EXD3: variants seen among roughly 807,000 people sequenced by gnomAD.
EXD3 encodes the protein exonuclease mut-7 homolog.
EXD3 carries 92 observed loss-of-function variants against 98.0 expected under a neutral mutation model. The observed-to-expected ratio is 0.94, with a 90% CI of 0.79 to 1.12. EXD3 has a LOEUF of 1.12. Among genes scored for constraint, EXD3 ranks in the 50% most tolerant of loss-of-function variants. EXD3 has a pLI of 0.00. For synonymous variants in EXD3, 569 were observed against 526.0 expected, an observed-to-expected ratio of 1.08 and a Z score of -1.12; for missense variants, 1,222 against 1,191.6, an observed-to-expected ratio of 1.03 and a Z score of -0.38.
intron 19 of EXD3, 123 bp from the exon 20 acceptor site, chr9:137,309,823 G>A (rs1446111059): frequency 1.4e-6 from 1 of 712,580 alleles, no homozygotes; most frequent in African/African-American, 1.7e-5. Context: ...ACAGATAATG[G>A]GTCCCCTCCT....
At chr9:137,348,807 CG>C (rs1351717654) in intron 16 of EXD3, among the ~76,000 whole-genome samples, 6 of 58,108 alleles carry the variant, frequency 1.0e-4, no homozygotes, top group African/African-American at 3.0e-4. Flanking sequence ...GTGGGGATCA[CG>C]GGGAGGGGGC....
intron 3 of EXD3, among the ~76,000 whole-genome samples, chr9:137,378,189 G>T (rs929078246): frequency 1.3e-5 from 2 of 151,638 alleles, no homozygotes; most frequent in South Asian, 2.1e-4. Flanking sequence ...GTTTCCCAAA[G>T]ATTTATTTGT....
intron 1 of EXD3, among the ~76,000 whole-genome samples, chr9:137,422,499 A>C (rs2131857938): frequency 6.6e-6 from 1 of 152,228 alleles, no homozygotes; most frequent in East Asian, 1.9e-4. Flanking sequence ...AACGTTCGAA[A>C]CCACCTGCTC....
chr9:137,321,332 T>C (rs1156257858), intron 19 of EXD3, among the ~76,000 whole-genome samples: 7 of 152,180 alleles, frequency 4.6e-5, no homozygotes, highest in African/African-American at 1.7e-4. Flanking sequence ...GCAGGGACCC[T>C]GACAGTGGCC....
chr9:137,358,392 C>T (rs78969423), intron 7 of EXD3, among the ~76,000 whole-genome samples: 3,204 of 152,236 alleles, frequency 0.021, 63 homozygotes, highest in Middle Eastern at 0.078. Flanking sequence ...AACACCGTGC[C>T]GCTCACAAAG....
At position 137,321,914 on chromosome 9, in the gene EXD3, C is replaced by A. The variant is rs143072311; in HGVS notation, c.2184+1811G>T. On this transcript the variant is annotated intron_variant, in intron 19 of 21. Coordinates refer to ENST00000340951, the MANE Select transcript of EXD3 (RefSeq NM_017820.5). ...CGCAAAAGGCAGCATCAACTCCCCC[C>A]AGACTGGCCATGCCCAGGTGCCAGT... is the stretch of plus-strand genomic sequence containing the variant. 3.3e-5 allele frequency among the ~76,000 whole-genome samples: 5 copies of A among 152,310 alleles called. No homozygotes were observed. In the East Asian group the frequency reaches 9.6e-4, roughly 29 times the overall value.
intron 19 of EXD3, among the ~76,000 whole-genome samples, chr9:137,310,975 G>A (rs1367522587): frequency 1.3e-5 from 2 of 152,216 alleles, no homozygotes; most frequent in East Asian, 1.9e-4. Context: ...AGGTGGCCTC[G>A]AGGCCCCTGG....
At chr9:137,350,044 C>T (rs1362075059) in intron 14 of EXD3, among the ~76,000 whole-genome samples, 6 of 58,404 alleles carry the variant, frequency 1.0e-4, no homozygotes, top group East Asian at 4.9e-4. Flanking sequence ...GTGGGGATCA[C>T]GGGGAAGGTT....
In EXD3 at chr9:137,407,022, G is replaced by A. The variant is rs1053304058; in HGVS notation, c.-47-11618C>T. On this transcript the variant is annotated intron_variant, in intron 1 of 21. Transcript: ENST00000340951. This position sits in a 1 kb window ranked among gnomAD's most constrained non-coding sequence, Gnocchi z 4.4. ...GGAAGGCCCCGCATCTGCTGCACCC[G>A]GAGTGGTGGAGGCCAGAACGCTCGC... 9.9e-5 allele frequency among the ~76,000 whole-genome samples: 15 copies of A among 152,184 alleles called. No homozygotes were observed. The highest frequency in any genetic ancestry group is 5.8e-4 in the East Asian group (3 of 5,178).
At chr9:137,415,010 C>T (rs1838171054) in intron 1 of EXD3, among the ~76,000 whole-genome samples, 1 of 151,932 alleles carries the variant, frequency 6.6e-6, no homozygotes, top group Non-Finnish European at 1.5e-5. Context: ...GCCTCAGCCT[C>T]CCGAGTAGCT....
intron 19 of EXD3, among the ~76,000 whole-genome samples, 167 bp downstream of exon 19, chr9:137,323,557 AC>A (rs149903662): frequency 0.049 from 569 of 11,658 alleles, 59 homozygotes; most frequent in East Asian, 0.21. Context: ...CTCACCCCGG[AC>A]CCACGAGGGA....
intron 3 of EXD3, among the ~76,000 whole-genome samples, chr9:137,376,627 C>G (rs937786726): frequency 6.6e-6 from 1 of 152,072 alleles, no homozygotes; most frequent in Non-Finnish European, 1.5e-5. Flanking sequence ...TTCCTCCCGA[C>G]CTTTTAAAAA....
intron 17 of EXD3, among the ~76,000 whole-genome samples, chr9:137,333,484 C>T (rs530895870): frequency 2.0e-5 from 3 of 152,246 alleles, no homozygotes; most frequent in South Asian, 2.1e-4. Flanking sequence ...AATGTGTCCC[C>T]GCCCAAATCT....
Position 137,351,037 on chromosome 9 carries a change from C to T in EXD3, c.1494+1G>A. On this transcript the variant is annotated splice_donor_variant, in intron 14 of 21. Transcript: ENST00000340951. LOFTEE classifies it high-confidence loss of function. ...TTGTGAGCGGCTCAGTGGGTGCCCACCTGTCTGTGCACCAGCAGCAGGTCC... is the reference window on the plus strand; with the variant it reads ...TTGTGAGCGGCTCAGTGGGTGCCCATCTGTCTGTGCACCAGCAGCAGGTCC... 2 of 1,556,668 alleles carry T rather than the reference C, an allele frequency of 1.3e-6. No individual in the cohort carries two copies. The highest frequency in any genetic ancestry group is 1.7e-6 in the Non-Finnish European group (2 of 1,150,646).
At chr9:137,352,484 T>C in intron 11 of EXD3, 136 bp downstream of exon 11, 1 of 996,176 alleles carries the variant, frequency 1.0e-6, no homozygotes, top group South Asian at 1.7e-5. Context: ...GCTCTGTGTA[T>C]AGCTGCGCTC....
At chr9:137,355,642 A>C (rs113905483) in intron 8 of EXD3, among the ~76,000 whole-genome samples, 2 of 110,440 alleles carry the variant, frequency 1.8e-5, no homozygotes, top group Non-Finnish European at 1.8e-5. Flanking sequence ...GGAAGGAGGA[A>C]GGAGGAAGGA....
At chr9:137,337,416 G>A (rs1243474897) in intron 17 of EXD3, among the ~76,000 whole-genome samples, 1 of 152,110 alleles carries the variant, frequency 6.6e-6, no homozygotes, top group Non-Finnish European at 1.5e-5. Context: ...AGTTTGGGAG[G>A]CCAAGGCGGG....
chr9:137,351,990 A>G, intron 12 of EXD3, 76 bp downstream of exon 12: 1 of 1,514,844 alleles, frequency 6.6e-7, no homozygotes, highest in Non-Finnish European at 8.9e-7. Flanking sequence ...TCCGAATGCC[A>G]TGCCCCTGAT....
intron 1 of EXD3, among the ~76,000 whole-genome samples, chr9:137,418,578 T>G (rs1326412570): frequency 2.0e-5 from 3 of 152,232 alleles, no homozygotes; most frequent in African/African-American, 7.2e-5. Flanking sequence ...AATTACTCGC[T>G]GAGTTTTTAA....
Sources: gnomAD v4.1 joint callset for allele counts (sites outside exome capture counted in the v4.1 genomes callset) on GRCh38, gnomAD v4.1.1 for gene constraint, Gnocchi (gnomAD v3.1) non-coding constraint, MANE v1.5 for transcripts, NCBI Gene and HGNC (gene_info 2026-07-23, HGNC 2026-07-21) for gene names.